KCNJ10: variants seen among roughly 807,000 people sequenced by gnomAD.
KCNJ10 encodes the protein ATP-sensitive inward rectifier potassium channel 10.
In KCNJ10, 9 loss-of-function variants were observed where a neutral mutation model predicts 22.2. That is an observed-to-expected ratio of 0.40 (90% confidence interval 0.24 to 0.71). KCNJ10 has a LOEUF of 0.71. Ranked by LOEUF, KCNJ10 falls within the 30% of genes least tolerant of loss-of-function variation. KCNJ10 has a pLI of 0.35. For synonymous variants in KCNJ10, 184 were observed against 187.3 expected (o/e 0.98, Z 0.15); for missense variants, 337 against 482.7 (o/e 0.70, Z 2.83).
intron 1 of KCNJ10, among the ~76,000 whole-genome samples, chr1:160,064,231 G>A (rs1161919694): frequency 2.0e-5 from 3 of 152,148 alleles, no homozygotes; most frequent in East Asian, 1.9e-4. Flanking sequence ...AGACCCTTTC[G>A]GAGGCTCTAC....
intron 1 of KCNJ10, among the ~76,000 whole-genome samples, chr1:160,045,047 A>C (rs1168082438): frequency 6.6e-6 from 1 of 152,196 alleles, no homozygotes; most frequent in East Asian, 1.9e-4. Flanking sequence ...TTTTATGATA[A>C]GGCTACTAAA....
intron 1 of KCNJ10, among the ~76,000 whole-genome samples, chr1:160,047,179 C>T (rs1332816256): frequency 6.6e-6 from 1 of 152,158 alleles, no homozygotes; most frequent in Non-Finnish European, 1.5e-5. Flanking sequence ...ATTTATTCTC[C>T]AGGATAATAC....
chr1:160,065,163 C>T (rs1385898690), intron 1 of KCNJ10: 1 of 152,130 alleles, frequency 6.6e-6, no homozygotes, highest in Non-Finnish European at 1.5e-5. Context: ...GCCATGTCTA[C>T]AGGATGGGGT....
At chr1:160,059,807 G>C (rs1394274772) in intron 1 of KCNJ10, among the ~76,000 whole-genome samples, 1 of 152,206 alleles carries the variant, frequency 6.6e-6, no homozygotes, top group Non-Finnish European at 1.5e-5. Flanking sequence ...TTCAGTAGGT[G>C]ACTAAAGGGG....
intron 1 of KCNJ10, among the ~76,000 whole-genome samples, chr1:160,069,621 G>T (rs902548208): frequency 2.0e-5 from 3 of 152,106 alleles, no homozygotes; most frequent in Admixed American, 2.0e-4. Flanking sequence ...GGGAGTGGGG[G>T]AGGGGCTGGG....
intron 1 of KCNJ10, among the ~76,000 whole-genome samples, chr1:160,066,327 GC>G (rs1437970969): frequency 6.6e-6 from 1 of 152,114 alleles, no homozygotes; most frequent in African/African-American, 2.4e-5. Context: ...ATCTTAAACT[GC>G]TTGATAATTC....
Position 160,042,470 on chromosome 1 carries a change from C to G in KCNJ10, c.63G>C (p.Met21Ile). 6.2e-7 allele frequency: 1 copy of G among 1,614,170 alleles called. No individual in the cohort carries two copies. Among genetic ancestry groups the G allele is most frequent in the Non-Finnish European group, 8.5e-7 (1 of 1,180,030 alleles). ...CTCTCCGCCGTCGTATCCCTGGGCC[C>G]ATTAGGGGCCGGCTTTCTGTCTGAG... ...QTTQTESRPL[M>I]GPGIRRRRVL... Residue 21 changes from methionine (M) to isoleucine (I), a missense_variant, in exon 2 of 2, where the codon ATG becomes ATC. Physicochemically the swap from Met to Ile is conservative, Grantham distance 10 (BLOSUM62 1). Around this residue, in one of 3 missense-constraint regions of KCNJ10, gnomAD observed 107 missense variants for 135.2 expected, o/e 0.79. Transcript: ENST00000644903.
chr1:160,066,480 G>A (rs1649324106), intron 1 of KCNJ10, among the ~76,000 whole-genome samples: 1 of 152,102 alleles, frequency 6.6e-6, no homozygotes, highest in Non-Finnish European at 1.5e-5. Context: ...ACATTAGAGT[G>A]GTGGGAGAAA....
At chr1:160,049,675 T>TTTTA (rs1553235648) in intron 1 of KCNJ10, among the ~76,000 whole-genome samples, 677 of 47,092 alleles carry the variant, frequency 0.014, 10 homozygotes, top group Non-Finnish European at 0.02. Flanking sequence ...TTTTATTTAT[T>TTTTA]TATATATATA....
intron 1 of KCNJ10, among the ~76,000 whole-genome samples, chr1:160,049,675 T>TTATTTATTTA (rs1283511580): frequency 1.5e-4 from 7 of 47,094 alleles, no homozygotes; most frequent in Admixed American, 3.2e-4. Context: ...TTTTATTTAT[T>TTATTTATTTA]TATATATATA....
chr1:160,049,667 T>C (rs1031298847), intron 1 of KCNJ10, among the ~76,000 whole-genome samples: 1 of 63,286 alleles, frequency 1.6e-5, no homozygotes, highest in Non-Finnish European at 3.1e-5. Context: ...ATCCAGCATT[T>C]TATTTATTTA....
At chr1:160,055,093 T>C (rs1186688) in intron 1 of KCNJ10, among the ~76,000 whole-genome samples, 62,618 of 152,132 alleles carry the variant, frequency 0.41, 13,696 homozygotes, top group Non-Finnish European at 0.48. Flanking sequence ...TCACTCCTTT[T>C]ACTATTAGGT....
intron 1 of KCNJ10, among the ~76,000 whole-genome samples, chr1:160,061,397 A>G (rs1649189328): frequency 6.6e-6 from 1 of 152,070 alleles, no homozygotes; most frequent in Non-Finnish European, 1.5e-5. Flanking sequence ...AAAGACGGAC[A>G]CACTGGACCT....
Position 160,039,356 on chromosome 1 carries a change from A to G in KCNJ10, c.*2037T>C, listed in dbSNP as rs1355570137. The stretch of plus-strand genomic sequence containing the variant: ...AAACCAGATGGAGGTTAACTTGGCA[A>G]TGGATAGGAAGGTATAGACACACAC... On this transcript the variant is annotated 3_prime_UTR_variant, in exon 2 of 2. Coordinates refer to ENST00000644903, the MANE Select transcript of KCNJ10 (RefSeq NM_002241.5). The G allele has an allele frequency of 6.7e-6, 1 of 148,600 alleles. No homozygotes were observed. The highest frequency in any genetic ancestry group is 6.9e-5 in the Admixed American group (1 of 14,592). 9.2% of individuals were successfully genotyped at this position (148,600 alleles called of 1,614,324 possible).
intron 1 of KCNJ10, among the ~76,000 whole-genome samples, chr1:160,060,183 C>T (rs1649151035): frequency 6.6e-6 from 1 of 152,090 alleles, no homozygotes; most frequent in African/African-American, 2.4e-5. Flanking sequence ...CCACATTCCT[C>T]CCTTAAGAAG....
At chr1:160,062,532 G>T (rs1299830742) in intron 1 of KCNJ10, 2 of 152,182 alleles carry the variant, frequency 1.3e-5, no homozygotes, top group South Asian at 4.1e-4. Context: ...GCTCCCCTGG[G>T]GGCACTGCCC....
chr1:160,049,677 A>T (rs2494210), intron 1 of KCNJ10, among the ~76,000 whole-genome samples: 529 of 31,508 alleles, frequency 0.017, 6 homozygotes, highest in Admixed American at 0.036. Flanking sequence ...TTATTTATTT[A>T]TATATATATA....
At chr1:160,043,036 C>T (rs537882665) in intron 1 of KCNJ10, among the ~76,000 whole-genome samples, 6 of 152,124 alleles carry the variant, frequency 3.9e-5, no homozygotes, top group African/African-American at 1.4e-4. Flanking sequence ...ATTTAGTAAG[C>T]AAATAATTGC....
intron 1 of KCNJ10, among the ~76,000 whole-genome samples, chr1:160,062,220 C>T (rs1259601985): frequency 6.6e-6 from 1 of 152,084 alleles, no homozygotes; most frequent in African/African-American, 2.4e-5. Context: ...CCAGGGCCCA[C>T]TCCCCCGTGC....
Sources: allele counts gnomAD v4.1 joint callset (sites outside exome capture counted in the v4.1 genomes callset), GRCh38; gene constraint gnomAD v4.1.1; regional missense constraint gnomAD v4.1.1; transcripts MANE v1.5; gene names NCBI Gene and HGNC (gene_info 2026-07-23, HGNC 2026-07-21).